The following POU6F2 variants were observed in gnomAD, a reference collection of about 807,000 sequenced individuals.
POU6F2 encodes POU class 6 homeobox 2.
A neutral mutation model predicts 71.3 loss-of-function variants in POU6F2; 31 were observed. The ratio of observed to expected loss-of-function variants is 0.43; its 90% CI spans 0.33 to 0.59. The LOEUF (loss-of-function observed/expected upper bound fraction) is 0.59, where lower values mean the gene tolerates loss of function less well. Ranked by LOEUF, POU6F2 falls within the 20% of genes least tolerant of loss-of-function variation. POU6F2 has a pLI of 0.04. For missense variants in POU6F2, 783 were observed against 856.8 expected, an observed-to-expected ratio of 0.91 and a Z score of 1.07; for synonymous variants, 347 against 355.7, an observed-to-expected ratio of 0.98 and a Z score of 0.27.
intron 1 of POU6F2, among the ~76,000 whole-genome samples, chr7:39,043,215 A>T (rs1790224955): frequency 6.6e-6 from 1 of 152,026 alleles, no homozygotes; most frequent in Non-Finnish European, 1.5e-5. Context: ...CAAGCATGCA[A>T]TTCTGAATTC....
At chr7:39,402,272 T>C (rs1787321717) in intron 5 of POU6F2, among the ~76,000 whole-genome samples, 2 of 152,148 alleles carry the variant, frequency 1.3e-5, no homozygotes, top group African/African-American at 4.8e-5. Context: ...CACCATTTAG[T>C]GTACACAGAC....
At chr7:38,981,149 C>T (rs1788305429) in intron 1 of POU6F2, among the ~76,000 whole-genome samples, 1 of 152,174 alleles carries the variant, frequency 6.6e-6, no homozygotes, top group South Asian at 2.1e-4. Flanking sequence ...GATTGTTATT[C>T]ATGGGATGAT....
chr7:39,246,752 A>C (rs2128752130), intron 4 of POU6F2, among the ~76,000 whole-genome samples: 1 of 151,562 alleles, frequency 6.6e-6, no homozygotes. Context: ...GGCCCTAAGA[A>C]TCTCATTCAT....
At chr7:39,245,210 C>T (rs973850131) in intron 4 of POU6F2, among the ~76,000 whole-genome samples, 3 of 152,184 alleles carry the variant, frequency 2.0e-5, no homozygotes, top group Admixed American at 2.0e-4. Flanking sequence ...TCTGGCCCTG[C>T]ATTAAGATCT....
intron 2 of POU6F2, among the ~76,000 whole-genome samples, chr7:39,149,885 C>CTTTTTTTTTTTTT (rs70977463): frequency 1.4e-5 from 2 of 142,340 alleles, no homozygotes; most frequent in Non-Finnish European, 3.0e-5. Context: ...GCAAGATTTC[C>CTTTTTTTTTTTTT]TTTTTTTTTT....
chr7:39,299,899 G>A (rs1784922431), intron 4 of POU6F2, among the ~76,000 whole-genome samples: 2 of 152,172 alleles, frequency 1.3e-5, no homozygotes, highest in African/African-American at 4.8e-5. Context: ...TTCAGGCCAT[G>A]CTTTTTGCTG....
At chr7:39,033,689 C>G (rs536407624) in intron 1 of POU6F2, among the ~76,000 whole-genome samples, 3 of 152,142 alleles carry the variant, frequency 2.0e-5, no homozygotes, top group African/African-American at 4.8e-5. Flanking sequence ...GGGGACTGCC[C>G]GGGAAGTTGA....
rs3057275 is a variant in POU6F2, at chr7:39,068,490, C to CATATATATATATATATATAT, written c.106-17353_106-17352insTATATATATATATATATATA. Among the ~76,000 whole-genome samples the CATATATATATATATATATAT allele has an allele frequency of 4.9e-3, 713 of 146,620 alleles. 5 individuals carry two copies. The highest frequency in any genetic ancestry group is 0.012 in the African/African-American group (445 of 38,440). On this transcript the variant is annotated intron_variant, in intron 1 of 9. Transcript: ENST00000518318. ...AGATTATATATACACCTAGTACATG[C>CATATATATATATATATATAT]ATATATATATATATATAATTTTCAT... is the stretch of plus-strand genomic sequence containing the variant.
At chr7:39,287,789 C>T (rs1434674286) in intron 4 of POU6F2, among the ~76,000 whole-genome samples, 5 of 152,332 alleles carry the variant, frequency 3.3e-5, no homozygotes, top group Admixed American at 3.3e-4. Flanking sequence ...CCAGCCAAGA[C>T]CCACTAAATC....
At chr7:39,278,743 G>T (rs943537231) in intron 4 of POU6F2, among the ~76,000 whole-genome samples, 1 of 152,140 alleles carries the variant, frequency 6.6e-6, no homozygotes, top group East Asian at 1.9e-4. Context: ...GCATACAGGG[G>T]GCTATACAGG....
Position 39,410,728 on chromosome 7 carries a change from A to T in POU6F2, c.1113+3988A>T, listed in dbSNP as rs561764668. 5.3e-5 allele frequency among the ~76,000 whole-genome samples: 8 copies of T among 152,340 alleles called. No individual in the cohort carries two copies. In the East Asian group the frequency reaches 1.5e-3, roughly 29 times the overall value. On this transcript the variant is annotated intron_variant, in intron 6 of 9. Coordinates refer to ENST00000518318, the MANE Select transcript of POU6F2 (RefSeq NM_001370959.1). ...GGAAAGCCTACCACAGTGCCTGAGT[A>T]CACAGGTATTCTCAGTAAATGATTG...
At chr7:39,037,974 G>T (rs773386733) in intron 1 of POU6F2, among the ~76,000 whole-genome samples, 44 of 152,002 alleles carry the variant, frequency 2.9e-4, no homozygotes, top group Non-Finnish European at 5.7e-4. Context: ...TATATAGCAG[G>T]TTTATTTTGA....
chr7:39,343,491 C>T (rs2329388), intron 5 of POU6F2, among the ~76,000 whole-genome samples: 85,044 of 151,632 alleles, frequency 0.56, 24,018 homozygotes, highest in East Asian at 0.74. Context: ...ATAAAAGCCT[C>T]CTTTCTATGA....
At chr7:39,113,789 T>G (rs1225673408) in intron 2 of POU6F2, among the ~76,000 whole-genome samples, 1 of 151,988 alleles carries the variant, frequency 6.6e-6, no homozygotes, top group Admixed American at 6.6e-5. Context: ...ACACATGGAG[T>G]TGCTTATAAT....
chr7:39,416,587 C>T (rs1189220980), intron 6 of POU6F2, among the ~76,000 whole-genome samples: 1 of 152,120 alleles, frequency 6.6e-6, no homozygotes, highest in African/African-American at 2.4e-5. Flanking sequence ...ATGAGGTAAA[C>T]CCTTCCAAAG....
At chr7:39,056,662 C>CTCTCTGTGTG (rs1554313685) in intron 1 of POU6F2, among the ~76,000 whole-genome samples, 8 of 113,422 alleles carry the variant, frequency 7.1e-5, no homozygotes, top group Non-Finnish European at 1.2e-4. Context: ...CTCTCTCTCT[C>CTCTCTGTGTG]TGTGTGTGTG....
intron 5 of POU6F2, among the ~76,000 whole-genome samples, chr7:39,390,082 G>T (rs1436569855): frequency 6.6e-6 from 1 of 152,112 alleles, no homozygotes; most frequent in Non-Finnish European, 1.5e-5. Context: ...CATCAGATAC[G>T]ATCATGCTCA....
chr7:39,035,608 A>G (rs770262304), intron 1 of POU6F2, among the ~76,000 whole-genome samples: 3 of 152,028 alleles, frequency 2.0e-5, no homozygotes, highest in Admixed American at 6.6e-5. Flanking sequence ...CCTACGGGGG[A>G]AAATAGCTGA....
chr7:39,157,887 G>T (rs1358495650), intron 2 of POU6F2, among the ~76,000 whole-genome samples: 3 of 152,162 alleles, frequency 2.0e-5, no homozygotes, highest in African/African-American at 7.2e-5. Flanking sequence ...CTATAATAAA[G>T]CAGTAAAAAT....
Sources: gnomAD v4.1 joint callset for allele counts (sites outside exome capture counted in the v4.1 genomes callset) on GRCh38, gnomAD v4.1.1 for gene constraint, MANE v1.5 for transcripts, NCBI Gene and HGNC (gene_info 2026-07-23, HGNC 2026-07-21) for gene names.